Variants in MYT1L observed in about 807,000 individuals in gnomAD.
The protein encoded by MYT1L is myelin transcription factor 1-like protein.
MYT1L carries 12 observed loss-of-function variants against 126.7 expected under a neutral mutation model. That is an observed-to-expected ratio of 0.09 (90% confidence interval 0.06 to 0.15). The LOEUF (loss-of-function observed/expected upper bound fraction) is 0.15. Among genes scored for constraint, MYT1L ranks in the 10% least tolerant of loss-of-function variants. The pLI is 1.00. For synonymous variants in MYT1L, 541 were observed against 604.2 expected (o/e 0.90, Z 1.53); for missense variants, 979 against 1,585.2 (o/e 0.62, Z 6.49).
chr2:1,916,287 G>C (rs547159303), intron 11 of MYT1L, among the ~76,000 whole-genome samples: 2 of 152,216 alleles, frequency 1.3e-5, no homozygotes, highest in South Asian at 4.2e-4. Flanking sequence ...CATTTTAATG[G>C]GACAGTCCTC....
At chr2:1,956,609 T>TATC (rs2058485469) in intron 8 of MYT1L, among the ~76,000 whole-genome samples, 1 of 149,926 alleles carries the variant, frequency 6.7e-6, no homozygotes, top group Non-Finnish European at 1.5e-5. Flanking sequence ...TCTATCTATC[T>TATC]ATCTATCTAT....
rs570355427 is a variant in MYT1L at position 2,120,676 on chromosome 2, TTA to T, written c.-304+52194_-304+52195del. On this transcript the variant is annotated intron_variant, in intron 3 of 24. Coordinates refer to ENST00000647738, the MANE Select transcript of MYT1L (RefSeq NM_001303052.2). Reference sequence around the variant, plus strand: ...AACTCAAACAAGAGAAGCTAAAAATTTATAATTAAGGTAACTCTTAAGGTATT... The same window carrying T: ...AACTCAAACAAGAGAAGCTAAAAATTTAATTAAGGTAACTCTTAAGGTATT... 4.4e-3 allele frequency among the ~76,000 whole-genome samples: 676 copies of T among 151,988 alleles called. 6 individuals are homozygous for T. The highest frequency in any genetic ancestry group is 4.8e-3 in the Non-Finnish European group (326 of 67,998).
chr2:2,301,062 T>C (rs533183966), intron 1 of MYT1L, among the ~76,000 whole-genome samples: 12 of 152,192 alleles, frequency 7.9e-5, no homozygotes, highest in African/African-American at 2.6e-4. Flanking sequence ...CCTTTTGCTC[T>C]GTGCCAGCCT....
intron 8 of MYT1L, among the ~76,000 whole-genome samples, chr2:1,977,200 G>A (rs1167786090): frequency 2.0e-5 from 3 of 152,132 alleles, no homozygotes; most frequent in Admixed American, 6.5e-5. Flanking sequence ...ACATCCCAGC[G>A]AATGGGTTCC....
chr2:2,299,249 G>T (rs1266030156), intron 1 of MYT1L, among the ~76,000 whole-genome samples: 1 of 152,204 alleles, frequency 6.6e-6, no homozygotes, highest in Non-Finnish European at 1.5e-5. Flanking sequence ...CTCTAAGGGG[G>T]AGCACCCATC....
intron 14 of MYT1L, 171 bp downstream of exon 14, chr2:1,902,909 G>A (rs2050543800): frequency 3.2e-6 from 2 of 621,058 alleles, no homozygotes; most frequent in Non-Finnish European, 5.7e-6. Flanking sequence ...ACCTACAGCT[G>A]TGTGGACCTG....
intron 4 of MYT1L, among the ~76,000 whole-genome samples, chr2:2,049,132 A>T (rs1370854399): frequency 6.6e-6 from 1 of 152,258 alleles, no homozygotes; most frequent in Non-Finnish European, 1.5e-5. Context: ...TGAGTTAAGG[A>T]GGATCTTGAC....
chr2:1,966,192 C>G (rs1173770226), intron 8 of MYT1L, among the ~76,000 whole-genome samples: 19 of 152,240 alleles, frequency 1.2e-4, no homozygotes, highest in Admixed American at 1.2e-3. Context: ...CAGGATTAGC[C>G]TGGGAGGCAG....
intron 1 of MYT1L, among the ~76,000 whole-genome samples, chr2:2,328,448 C>T (rs886083301): frequency 4.6e-5 from 7 of 152,256 alleles, no homozygotes; most frequent in South Asian, 2.1e-4. Context: ...TTTATAACCC[C>T]GAAGAAGACT....
intron 11 of MYT1L, among the ~76,000 whole-genome samples, chr2:1,915,690 C>T (rs1298765603): frequency 1.3e-5 from 2 of 152,162 alleles, no homozygotes; most frequent in African/African-American, 4.8e-5. Context: ...GAACACCAAA[C>T]CCAGGTTTCA....
At chr2:1,936,484 T>C (rs1223542797) in intron 9 of MYT1L, among the ~76,000 whole-genome samples, 1 of 152,180 alleles carries the variant, frequency 6.6e-6, no homozygotes. Flanking sequence ...CCTCCGTGGA[T>C]GCAGGGAGAG....
intron 3 of MYT1L, among the ~76,000 whole-genome samples, chr2:2,062,949 TG>T (rs1373325493): frequency 6.6e-6 from 1 of 152,150 alleles, no homozygotes; most frequent in East Asian, 1.9e-4. Flanking sequence ...CTTCAGTGGT[TG>T]TTTTCTCTCC....
intron 3 of MYT1L, among the ~76,000 whole-genome samples, chr2:2,168,747 T>C (rs985098002): frequency 1.3e-5 from 2 of 152,168 alleles, no homozygotes; most frequent in African/African-American, 4.8e-5. Flanking sequence ...CCAGAATCAG[T>C]GTTCTCGGTT....
At chr2:2,005,181 TG>T (rs2063094322) in intron 4 of MYT1L, among the ~76,000 whole-genome samples, 1 of 147,582 alleles carries the variant, frequency 6.8e-6, no homozygotes, top group South Asian at 2.2e-4. Flanking sequence ...CTTTCCTGCA[TG>T]TGTTTTTTCC....
intron 5 of MYT1L, among the ~76,000 whole-genome samples, chr2:1,985,564 T>A (rs1030845181): frequency 1.3e-5 from 2 of 152,208 alleles, no homozygotes; most frequent in African/African-American, 4.8e-5. Context: ...TAACTTATAT[T>A]TTCTAGTCAT....
At position 2,214,974 on chromosome 2, in the gene MYT1L, A is replaced by T. The variant is rs2093637096; in HGVS notation, c.-420-41986T>A. On this transcript the variant is annotated intron_variant, in intron 2 of 24. Transcript: ENST00000647738. ...GGAAGAACAACATTGTAAGATTCTT[A>T]TACTACATGTGAAGTGGTATAATAC... Among the ~76,000 whole-genome samples the T allele has an allele frequency of 2.0e-5, 3 of 152,222 alleles. No individual in the cohort carries two copies. In the South Asian group the frequency reaches 6.2e-4, roughly 32 times the overall value.
At chr2:2,120,427 C>T (rs999378954) in intron 3 of MYT1L, among the ~76,000 whole-genome samples, 1 of 152,042 alleles carries the variant, frequency 6.6e-6, no homozygotes, top group Non-Finnish European at 1.5e-5. Flanking sequence ...TACCTCTCTG[C>T]TTGTCTCTTC....
At chr2:1,967,832 G>A (rs536654290) in intron 8 of MYT1L, among the ~76,000 whole-genome samples, 7 of 152,272 alleles carry the variant, frequency 4.6e-5, no homozygotes, top group Middle Eastern at 3.4e-3. Context: ...CTTCTGGGAC[G>A]TTGCTGTTAT....
At chr2:1,807,287 G>A (rs1558612269) in intron 22 of MYT1L, among the ~76,000 whole-genome samples, 1 of 152,356 alleles carries the variant, frequency 6.6e-6, no homozygotes, top group South Asian at 2.1e-4. Context: ...CACGTGGGAC[G>A]TTCAGGCGTC....
Sources: gnomAD v4.1 joint callset for allele counts (sites outside exome capture counted in the v4.1 genomes callset) on GRCh38, gnomAD v4.1.1 for gene constraint, MANE v1.5 for transcripts, NCBI Gene and HGNC (gene_info 2026-07-23, HGNC 2026-07-21) for gene names.